SSPN: variants seen among roughly 807,000 people sequenced by gnomAD.
SSPN encodes the protein sarcospan, also known as K-ras oncogene-associated protein.
A neutral mutation model predicts 19.1 loss-of-function variants in SSPN; 15 were observed. That is an observed-to-expected ratio of 0.78 (90% CI 0.52 to 1.21). The LOEUF (loss-of-function observed/expected upper bound fraction) is 1.21, where lower values mean the gene tolerates loss of function less well. SSPN is among the 50% of genes most tolerant of loss of function. SSPN has a pLI of 0.00. For synonymous variants in SSPN, 147 were observed against 140.3 expected, an observed-to-expected ratio of 1.05 and a Z score of -0.34; for missense variants, 291 against 314.0, an observed-to-expected ratio of 0.93 and a Z score of 0.55.
chr12:26,132,171 C>A (rs1460397805), intron 1 of SSPN, among the ~76,000 whole-genome samples: 1 of 152,202 alleles, frequency 6.6e-6, no homozygotes, highest in Non-Finnish European at 1.5e-5. Context: ...TATTTCCCTA[C>A]AGACAGACAC....
intron 1 of SSPN, among the ~76,000 whole-genome samples, chr12:26,202,878 A>G (rs919116288): frequency 6.6e-6 from 1 of 152,216 alleles, no homozygotes; most frequent in Non-Finnish European, 1.5e-5. Context: ...CTATAAAGAT[A>G]CTACGTGAGA....
chr12:26,151,941 T>A (rs946123860), intron 1 of SSPN, among the ~76,000 whole-genome samples: 1 of 152,202 alleles, frequency 6.6e-6, no homozygotes, highest in Admixed American at 6.5e-5. Flanking sequence ...AGTCCCTAGA[T>A]TGAAAGAGAG....
intron 1 of SSPN, among the ~76,000 whole-genome samples, chr12:26,127,886 A>G (rs186562015): frequency 1.5e-3 from 235 of 152,350 alleles, no homozygotes; most frequent in African/African-American, 5.4e-3. Flanking sequence ...CCTTTGCGCA[A>G]GAAGGGTGTA....
At chr12:26,227,097 A>C (rs1591898042) in intron 2 of SSPN, among the ~76,000 whole-genome samples, 1 of 152,078 alleles carries the variant, frequency 6.6e-6, no homozygotes, top group Non-Finnish European at 1.5e-5. Flanking sequence ...TCGGATTCTC[A>C]AGGTCATCGT....
At chr12:26,171,227 T>C (rs1005749735) in intron 1 of SSPN, among the ~76,000 whole-genome samples, 1 of 152,220 alleles carries the variant, frequency 6.6e-6, no homozygotes, top group African/African-American at 2.4e-5. Flanking sequence ...TAAATGAGTA[T>C]GTATATAAAT....
chr12:26,185,451 G>C (rs896350928), intron 1 of SSPN, among the ~76,000 whole-genome samples: 3 of 152,156 alleles, frequency 2.0e-5, no homozygotes, highest in Non-Finnish European at 2.9e-5. Context: ...CCAAAAAAAG[G>C]GTTGGGTATT....
chr12:26,165,168 A>G (rs1342154604), intron 1 of SSPN, among the ~76,000 whole-genome samples: 1 of 152,202 alleles, frequency 6.6e-6, no homozygotes, highest in East Asian at 1.9e-4. Context: ...TACCTTTTTC[A>G]TATCCTAAAA....
intron 1 of SSPN, among the ~76,000 whole-genome samples, chr12:26,201,031 A>ATG (rs1555179556): frequency 5.0e-5 from 3 of 60,512 alleles, no homozygotes; most frequent in Non-Finnish European, 9.0e-5. Flanking sequence ...ATATATATAT[A>ATG]TATATATATA....
At chr12:26,131,007 G>C (rs1944394628) in intron 1 of SSPN, among the ~76,000 whole-genome samples, 1 of 152,004 alleles carries the variant, frequency 6.6e-6, no homozygotes, top group Admixed American at 6.6e-5. Flanking sequence ...GGTTCTTTTA[G>C]TAAAGGGGAA....
At chr12:26,136,483 C>G (rs1409250957) in intron 1 of SSPN, among the ~76,000 whole-genome samples, 1 of 152,208 alleles carries the variant, frequency 6.6e-6, no homozygotes, top group African/African-American at 2.4e-5. Flanking sequence ...GTACCTCCCT[C>G]TGTTTATTGC....
At chr12:26,189,646 G>A (rs1478743181) in intron 1 of SSPN, among the ~76,000 whole-genome samples, 2 of 152,036 alleles carry the variant, frequency 1.3e-5, no homozygotes, top group Non-Finnish European at 2.9e-5. Flanking sequence ...TTTAGCTGCA[G>A]CTTTTTCTCT....
chr12:26,175,206 C>G (rs1298790328), intron 1 of SSPN, among the ~76,000 whole-genome samples: 1 of 152,238 alleles, frequency 6.6e-6, no homozygotes, highest in African/African-American at 2.4e-5. Flanking sequence ...CTCACCAACA[C>G]TTGAAATGCC....
At chr12:26,122,294 G>A (rs1236236786) in intron 1 of SSPN, 13 of 1,188,300 alleles carry the variant, frequency 1.1e-5, no homozygotes, top group African/African-American at 8.0e-5. Context: ...CGGCGGCGGC[G>A]GCGGCAGCGG....
At chr12:26,153,572 T>C (rs1250361553) in intron 1 of SSPN, among the ~76,000 whole-genome samples, 1 of 152,168 alleles carries the variant, frequency 6.6e-6, no homozygotes, top group Non-Finnish European at 1.5e-5. Context: ...TGTGCATAAA[T>C]GAATAATGAA....
intron 1 of SSPN, among the ~76,000 whole-genome samples, chr12:26,134,043 C>T (rs1268484464): frequency 6.6e-6 from 1 of 152,178 alleles, no homozygotes; most frequent in African/African-American, 2.4e-5. Flanking sequence ...TTAATAGCTT[C>T]CTATTTCCAT....
At chr12:26,191,794 G>A (rs937934242), upstream of SSPN, among the ~76,000 whole-genome samples, 2 of 151,962 alleles carry the variant, frequency 1.3e-5, no homozygotes, top group Admixed American at 6.6e-5. Flanking sequence ...TGGGGGCAGT[G>A]GTCCTGCATA....
chr12:26,185,525 C>A (rs1019047302), intron 1 of SSPN, among the ~76,000 whole-genome samples: 6 of 152,126 alleles, frequency 3.9e-5, no homozygotes, highest in African/African-American at 7.2e-5. Context: ...ACCTCTACCC[C>A]CCTGGGCAGG....
chr12:26,174,298 T>A (rs1944669790), intron 1 of SSPN, among the ~76,000 whole-genome samples: 1 of 152,230 alleles, frequency 6.6e-6, no homozygotes, highest in South Asian at 2.1e-4. Context: ...CCACTTAAAC[T>A]GCAAATACTG....
chr12:26,137,636 G>GTGTATATATATATATA (rs1555175653), intron 1 of SSPN, among the ~76,000 whole-genome samples: 6 of 31,374 alleles, frequency 1.9e-4, no homozygotes, highest in Admixed American at 6.9e-4. Flanking sequence ...GTGTGTGTAT[G>GTGTATATATATATATA]TATATATATA....
Sources: gnomAD v4.1 joint callset for allele counts (sites outside exome capture counted in the v4.1 genomes callset) on GRCh38, gnomAD v4.1.1 for gene constraint, MANE v1.5 for transcripts, NCBI Gene and HGNC (gene_info 2026-07-23, HGNC 2026-07-21) for gene names.